ARHGAP39: variants seen among roughly 807,000 people sequenced by gnomAD.
ARHGAP39 encodes Rho GTPase activating protein 39.
Under a neutral mutation model 106.9 loss-of-function variants are expected in ARHGAP39, and 44 were observed. The observed-to-expected ratio is 0.41, with a 90% CI of 0.32 to 0.53. The LOEUF is 0.53. Among genes scored for constraint, ARHGAP39 ranks in the 20% least tolerant of loss-of-function variants. ARHGAP39 has a pLI of 0.21. For missense variants in ARHGAP39, 1,496 were observed against 1,577.3 expected, an observed-to-expected ratio of 0.95 and a Z score of 0.87; for synonymous variants, 768 against 693.2, an observed-to-expected ratio of 1.11 and a Z score of -1.69.
chr8:144,602,505 T>C (rs1289540694), intron 2 of ARHGAP39, among the ~76,000 whole-genome samples: 1 of 138,612 alleles, frequency 7.2e-6, no homozygotes, highest in Admixed American at 7.3e-5. Flanking sequence ...TGTATCTGTG[T>C]ACATGGAGGC....
chr8:144,694,080 G>C, the ARHGAP39 span, among the ~76,000 whole-genome samples: 2 of 152,220 alleles, frequency 1.3e-5, no homozygotes, highest in African/African-American at 4.8e-5. Flanking sequence ...AGAAAGAGCA[G>C]ACTCCACGTT....
At position 144,684,825 on chromosome 8, in the gene ARHGAP39, G is replaced by A. The variant is rs2129781064; in HGVS notation, c.-82+861C>T. Among the ~76,000 whole-genome samples, 1 of 152,284 alleles carries A rather than the reference G, an allele frequency of 6.6e-6. No homozygotes were observed. Among genetic ancestry groups the A allele is most frequent in the South Asian group, 2.1e-4 (1 of 4,830 alleles). On this transcript the variant is annotated intron_variant, in intron 1 of 11. Transcript: ENST00000377307. This position sits in a 1 kb window ranked among gnomAD's most constrained non-coding sequence, Gnocchi z 4.4. ...GCCGGAGCCCCAGCCCGCGCCTGCCGCAGAGGCGAGGCCGCAGAGCCCACC... is the reference window on the plus strand; with the variant it reads ...GCCGGAGCCCCAGCCCGCGCCTGCCACAGAGGCGAGGCCGCAGAGCCCACC...
intron 7 of ARHGAP39, among the ~76,000 whole-genome samples, 198 bp downstream of exon 7, chr8:144,537,523 G>A (rs533978277): frequency 6.6e-6 from 1 of 152,274 alleles, no homozygotes; most frequent in Admixed American, 6.5e-5. Flanking sequence ...ACAAAGACAC[G>A]TGTGGACAGG....
At chr8:144,653,159 G>A (rs1361645246) in intron 1 of ARHGAP39, among the ~76,000 whole-genome samples, 1 of 152,102 alleles carries the variant, frequency 6.6e-6, no homozygotes, top group East Asian at 1.9e-4. Context: ...AGCTGGGCGT[G>A]GTGGCATGTG....
chr8:144,609,496 G>C (rs778408497), intron 1 of ARHGAP39, among the ~76,000 whole-genome samples: 1 of 148,134 alleles, frequency 6.8e-6, no homozygotes, highest in Non-Finnish European at 1.5e-5. Flanking sequence ...CCACCTCCCA[G>C]GTTCAAGCGA....
intron 1 of ARHGAP39, among the ~76,000 whole-genome samples, chr8:144,662,423 C>T (rs528010685): frequency 5.0e-4 from 73 of 147,432 alleles, no homozygotes; most frequent in African/African-American, 1.8e-3. Flanking sequence ...CCCTCCCCAT[C>T]ATCCACCTTG....
chr8:144,619,318 C>T (rs765886503), intron 1 of ARHGAP39, among the ~76,000 whole-genome samples: 9 of 152,232 alleles, frequency 5.9e-5, no homozygotes, highest in Non-Finnish European at 1.2e-4. Flanking sequence ...CCGAGAAGCG[C>T]GGGTCCCCAT....
At position 144,539,037 on chromosome 8, in the gene ARHGAP39, G is replaced by A. The variant is rs73377640; in HGVS notation, c.2522-1224C>T. On this transcript the variant is annotated intron_variant, in intron 6 of 11. Coordinates refer to ENST00000377307, the MANE Select transcript of ARHGAP39 (RefSeq NM_025251.3). The stretch of plus-strand genomic sequence containing the variant: ...ACTTCCTCACTTTTGACTACATCTC[G>A]TATATGCCCCGCACCAGCCCTGGAA... 6.4e-3 allele frequency among the ~76,000 whole-genome samples: 978 copies of A among 151,996 alleles called. 11 individuals are homozygous for A. The highest frequency in any genetic ancestry group is 0.021 in the African/African-American group (862 of 41,438).
intron 1 of ARHGAP39, among the ~76,000 whole-genome samples, chr8:144,637,037 G>A (rs567977770): frequency 2.0e-5 from 3 of 152,284 alleles, no homozygotes; most frequent in African/African-American, 7.2e-5. Context: ...ATTTCCAGAC[G>A]CCGTGTCTTT....
intron 2 of ARHGAP39, among the ~76,000 whole-genome samples, chr8:144,600,146 C>T (rs1031101562): frequency 6.7e-6 from 1 of 150,232 alleles, no homozygotes; most frequent in African/African-American, 2.5e-5. Flanking sequence ...AGCTCATGTA[C>T]CTACCTGTGT....
the ARHGAP39 span, among the ~76,000 whole-genome samples, chr8:144,694,810 CA>C: frequency 6.6e-6 from 1 of 152,152 alleles, no homozygotes; most frequent in Non-Finnish European, 1.5e-5. Context: ...ATCATCAGTA[CA>C]GGGGGGCCTT....
At chr8:144,602,125 A>G (rs1271224609) in intron 2 of ARHGAP39, among the ~76,000 whole-genome samples, 3 of 99,902 alleles carry the variant, frequency 3.0e-5, no homozygotes, top group African/African-American at 8.0e-5. Flanking sequence ...ATGTGCATGG[A>G]GGTGTGTGTG....
chr8:144,530,660 CGGGGAGGGGA>C lies in ARHGAP39; in HGVS notation c.3150+32_3150+41del. 5 of 231,818 alleles carry C rather than the reference CGGGGAGGGGA, an allele frequency of 2.2e-5. No homozygotes were observed. The East Asian group carries it at 6.7e-4, about 31-fold the overall frequency. The allele number at this position is 231,818 out of a possible 1,614,324, so 14.4% of individuals were successfully genotyped here. On this transcript the variant is annotated intron_variant, in intron 11 of 11. Transcript: ENST00000377307. ...TGGGCGCGGAGGGGCGGGGGCGGGGCGGGGAGGGGAAAGCAGCGGGGACCCCCGGGGAGGG... is the reference window on the plus strand; with the variant it reads ...TGGGCGCGGAGGGGCGGGGGCGGGGCAAGCAGCGGGGACCCCCGGGGAGGG...
intron 6 of ARHGAP39, among the ~76,000 whole-genome samples, chr8:144,543,118 C>T (rs753875263): frequency 2.8e-4 from 42 of 152,102 alleles, no homozygotes; most frequent in Non-Finnish European, 4.3e-4. Context: ...CACAAGCATA[C>T]ACCACCATGC....
intron 1 of ARHGAP39, among the ~76,000 whole-genome samples, chr8:144,682,856 C>T (rs1277109092): frequency 5.3e-5 from 8 of 151,710 alleles, no homozygotes; most frequent in South Asian, 2.1e-4. Context: ...CAAACAAAAC[C>T]GAACAAAAAA....
the ARHGAP39 span, among the ~76,000 whole-genome samples, chr8:144,695,556 G>A: frequency 6.6e-6 from 1 of 152,254 alleles, no homozygotes; most frequent in Non-Finnish European, 1.5e-5. Context: ...CACACTTTGA[G>A]ACGAATTAAG....
intron 2 of ARHGAP39, among the ~76,000 whole-genome samples, chr8:144,598,169 G>T (rs1819696228): frequency 1.3e-5 from 2 of 152,210 alleles, no homozygotes; most frequent in Non-Finnish European, 2.9e-5. Flanking sequence ...GGCCCTTTCC[G>T]CATTGCGTGT....
At chr8:144,660,638 T>C (rs1166879454) in intron 1 of ARHGAP39, among the ~76,000 whole-genome samples, 2 of 152,178 alleles carry the variant, frequency 1.3e-5, no homozygotes, top group African/African-American at 2.4e-5. Flanking sequence ...ACTGACTTCC[T>C]ACTTCTGCTC....
intron 6 of ARHGAP39, among the ~76,000 whole-genome samples, chr8:144,538,568 T>C (rs769781959): frequency 6.6e-6 from 1 of 152,194 alleles, no homozygotes; most frequent in Non-Finnish European, 1.5e-5. Context: ...GACTTAGTTT[T>C]TTCTTCTTTT....
Sources: allele counts gnomAD v4.1 joint callset (sites outside exome capture counted in the v4.1 genomes callset), GRCh38; gene constraint gnomAD v4.1.1; non-coding constraint Gnocchi (gnomAD v3.1); transcripts MANE v1.5; gene names NCBI Gene and HGNC (gene_info 2026-07-23, HGNC 2026-07-21).